The following KCNH5 variants were observed in gnomAD, a reference collection of about 807,000 sequenced individuals.
KCNH5 encodes potassium voltage-gated channel subfamily H member 5.
Under a neutral mutation model 96.1 loss-of-function variants are expected in KCNH5, and 46 were observed. The observed-to-expected ratio is 0.48, with a 90% CI of 0.38 to 0.61. The LOEUF is 0.61. KCNH5 is among the 20% of genes least tolerant of loss of function. KCNH5 has a pLI of 0.00. For synonymous variants in KCNH5, 439 were observed against 449.8 expected, an observed-to-expected ratio of 0.98 and a Z score of 0.30; for missense variants, 907 against 1,225.8, an observed-to-expected ratio of 0.74 and a Z score of 3.88.
intron 7 of KCNH5, among the ~76,000 whole-genome samples, chr14:62,893,457 T>C (rs1201878853): frequency 6.6e-6 from 1 of 152,194 alleles, no homozygotes; most frequent in Non-Finnish European, 1.5e-5. Context: ...ACATAAGATT[T>C]AGAATAGTAC....
At chr14:62,807,675 A>T (rs1205635751) in intron 8 of KCNH5, among the ~76,000 whole-genome samples, 1 of 151,538 alleles carries the variant, frequency 6.6e-6, no homozygotes, top group Non-Finnish European at 1.5e-5. Flanking sequence ...AGCTATACAA[A>T]GATTATAAAG....
chr14:62,820,566 C>T (rs1887094069), intron 8 of KCNH5, among the ~76,000 whole-genome samples: 1 of 152,036 alleles, frequency 6.6e-6, no homozygotes, highest in African/African-American at 2.4e-5. Context: ...ATTTAGCTCT[C>T]CCTTATAAGT....
chr14:62,834,838 T>A (rs1249909336), intron 8 of KCNH5, among the ~76,000 whole-genome samples: 6 of 152,034 alleles, frequency 3.9e-5, no homozygotes, highest in Non-Finnish European at 7.4e-5. Context: ...CACAACAATG[T>A]TCAATTATTT....
intron 4 of KCNH5, among the ~76,000 whole-genome samples, chr14:62,997,747 A>C (rs1890932869): frequency 6.6e-6 from 1 of 151,738 alleles, no homozygotes; most frequent in South Asian, 2.1e-4. Context: ...AATACAAAAA[A>C]AAATTAACCG....
At chr14:62,781,029 TTTA>T (rs146202438) in intron 9 of KCNH5, among the ~76,000 whole-genome samples, 4,318 of 152,160 alleles carry the variant, frequency 0.028, 73 homozygotes, top group South Asian at 0.058. Context: ...GAAGAAGACC[TTTA>T]TCGGGGAATC....
chr14:62,806,856 G>A (rs1886777316), intron 8 of KCNH5, among the ~76,000 whole-genome samples: 1 of 152,118 alleles, frequency 6.6e-6, no homozygotes, highest in Non-Finnish European at 1.5e-5. Flanking sequence ...TATTCTCTTT[G>A]GATTAATCTG....
At chr14:62,798,140 A>G (rs1886577847) in intron 9 of KCNH5, among the ~76,000 whole-genome samples, 1 of 152,128 alleles carries the variant, frequency 6.6e-6, no homozygotes, top group Non-Finnish European at 1.5e-5. Flanking sequence ...CTTTTTCCCA[A>G]TTCCATAACA....
chr14:62,753,578 G>A (rs887059311), intron 10 of KCNH5, among the ~76,000 whole-genome samples: 1 of 152,130 alleles, frequency 6.6e-6, no homozygotes, highest in African/African-American at 2.4e-5. Flanking sequence ...GTAAAGAAAG[G>A]TTCCTAAAAG....
chr14:62,940,216 T>C (rs974236295), intron 7 of KCNH5, among the ~76,000 whole-genome samples: 1 of 152,214 alleles, frequency 6.6e-6, no homozygotes, highest in East Asian at 1.9e-4. Flanking sequence ...CACTCATCTG[T>C]TTACGTATTG....
At chr14:62,811,194 A>C (rs984566381) in intron 8 of KCNH5, among the ~76,000 whole-genome samples, 1 of 152,144 alleles carries the variant, frequency 6.6e-6, no homozygotes, top group Admixed American at 6.6e-5. Flanking sequence ...CCAAAGATGT[A>C]ACCTCCACAT....
intron 7 of KCNH5, among the ~76,000 whole-genome samples, chr14:62,931,929 C>T (rs1310856154): frequency 6.6e-6 from 1 of 152,140 alleles, no homozygotes; most frequent in Non-Finnish European, 1.5e-5. Context: ...GTGTCAAACC[C>T]TCAGCTCTAT....
At chr14:62,971,399 G>A (rs1465237943) in intron 6 of KCNH5, among the ~76,000 whole-genome samples, 1 of 152,154 alleles carries the variant, frequency 6.6e-6, no homozygotes, top group Non-Finnish European at 1.5e-5. Context: ...TTCATGGATA[G>A]TAAGACTCAA....
chr14:62,794,342 T>C (rs1029576492), intron 9 of KCNH5, among the ~76,000 whole-genome samples: 8 of 152,022 alleles, frequency 5.3e-5, no homozygotes, highest in Non-Finnish European at 1.2e-4. Context: ...ACAGTTGTAC[T>C]ATAATTTCAA....
chr14:63,031,984 A>C (rs1891637414), intron 1 of KCNH5, among the ~76,000 whole-genome samples: 1 of 151,962 alleles, frequency 6.6e-6, no homozygotes, highest in Non-Finnish European at 1.5e-5. Flanking sequence ...CCAGAGAGAA[A>C]TATTTCAGAG....
intron 6 of KCNH5, among the ~76,000 whole-genome samples, chr14:62,980,028 G>C (rs547017438): frequency 6.6e-6 from 1 of 152,178 alleles, no homozygotes; most frequent in Non-Finnish European, 1.5e-5. Flanking sequence ...CCGTGACAGT[G>C]AGGGAGATCT....
At position 62,821,878 on chromosome 14, in the gene KCNH5, C is replaced by A. The variant is rs962979832; in HGVS notation, c.1570-19297G>T. On this transcript the variant is annotated intron_variant, in intron 8 of 10. Coordinates refer to ENST00000322893, the MANE Select transcript of KCNH5 (RefSeq NM_139318.5). ...TGTGCCCATGGCAGATCGAAGACAG[C>A]AAATTGATAAAAATGTTCCTGGAGG... Among the ~76,000 whole-genome samples, 3 of 152,000 alleles carry A rather than the reference C, an allele frequency of 2.0e-5. No homozygotes were observed. In the South Asian group the frequency reaches 6.2e-4, roughly 32 times the overall value.
Position 62,943,228 on chromosome 14 carries a change from G to T in KCNH5, c.1369+6905C>A, listed in dbSNP as rs547023787. On this transcript the variant is annotated intron_variant, in intron 7 of 10. Transcript: ENST00000322893. ...GATTAAACTAAAATACAGTTTATAT[G>T]ATAATTTAGCAATAAAGAAGGGACT... Among the ~76,000 whole-genome samples, 30 of 152,204 alleles carry T rather than the reference G, an allele frequency of 2.0e-4. 1 individual carries two copies. The South Asian group carries it at 5.8e-3, about 30-fold the overall frequency.
intron 8 of KCNH5, among the ~76,000 whole-genome samples, chr14:62,822,786 CATAG>C (rs1185385626): frequency 1.3e-5 from 2 of 151,794 alleles, no homozygotes; most frequent in African/African-American, 2.4e-5. Context: ...CGATCATTTT[CATAG>C]ATAGAGTAGG....
intron 1 of KCNH5, among the ~76,000 whole-genome samples, chr14:63,024,399 C>T (rs2139616069): frequency 6.6e-6 from 1 of 151,692 alleles, no homozygotes; most frequent in Admixed American, 6.6e-5. Flanking sequence ...ACAAACTAAG[C>T]CCAAAGTTAG....
Sources: gnomAD v4.1 joint callset for allele counts (sites outside exome capture counted in the v4.1 genomes callset) on GRCh38, gnomAD v4.1.1 for gene constraint, MANE v1.5 for transcripts, NCBI Gene and HGNC (gene_info 2026-07-23, HGNC 2026-07-21) for gene names.